Variants in KCNK1 observed in about 807,000 individuals in gnomAD.
KCNK1 encodes the protein potassium channel subfamily K member 1.
In KCNK1, 10 loss-of-function variants were observed where a neutral mutation model predicts 22.2. The observed-to-expected ratio is 0.45, with a 90% CI of 0.28 to 0.76. The LOEUF (loss-of-function observed/expected upper bound fraction) is 0.76. KCNK1 is among the 30% of genes least tolerant of loss of function. The pLI is 0.14. For missense variants in KCNK1, 378 were observed against 421.0 expected, an observed-to-expected ratio of 0.90 and a Z score of 0.89; for synonymous variants, 200 against 186.4, an observed-to-expected ratio of 1.07 and a Z score of -0.60.
intron 1 of KCNK1, among the ~76,000 whole-genome samples, chr1:233,631,814 T>C (rs1200809057): frequency 6.6e-6 from 1 of 152,192 alleles, no homozygotes; most frequent in African/African-American, 2.4e-5. Context: ...ATTCTGGTTT[T>C]TTTTAAGCAA....
At chr1:233,667,456 C>T (rs572253311) in intron 2 of KCNK1, among the ~76,000 whole-genome samples, 1 of 152,094 alleles carries the variant, frequency 6.6e-6, no homozygotes, top group Non-Finnish European at 1.5e-5. Flanking sequence ...ACAGGCCGGG[C>T]GCGGTGGCTC....
intron 1 of KCNK1, among the ~76,000 whole-genome samples, chr1:233,639,561 A>G (rs895506832): frequency 1.3e-5 from 2 of 152,232 alleles, no homozygotes; most frequent in African/African-American, 4.8e-5. Flanking sequence ...TATTTAAACT[A>G]GAAGAATCCT....
At chr1:233,615,370 A>G (rs1657470070) in intron 1 of KCNK1, among the ~76,000 whole-genome samples, 1 of 152,218 alleles carries the variant, frequency 6.6e-6, no homozygotes, top group South Asian at 2.1e-4. Context: ...CTCAGGTGAA[A>G]GATGAGGCCG....
intron 1 of KCNK1, chr1:233,661,936 A>G (rs1658400040): frequency 6.6e-6 from 1 of 152,226 alleles, no homozygotes; most frequent in Non-Finnish European, 1.5e-5. Flanking sequence ...TTCACCATAC[A>G]GTGAGTTTCT....
chr1:233,646,439 T>A (rs559243673), intron 1 of KCNK1, among the ~76,000 whole-genome samples: 1 of 152,136 alleles, frequency 6.6e-6, no homozygotes, highest in Non-Finnish European at 1.5e-5. Flanking sequence ...CAGGGAGAGC[T>A]GCCTAGAGGA....
In KCNK1 at chr1:233,620,924, A is replaced by G. The variant is rs527809489; in HGVS notation, c.355+6398A>G. Among the ~76,000 whole-genome samples, 5 of 152,338 alleles carry G rather than the reference A, an allele frequency of 3.3e-5. No homozygotes were observed. In the East Asian group the frequency reaches 9.6e-4, roughly 29 times the overall value. Reference sequence around the variant, plus strand: ...TGTTTACACATATTCATTTCCATGCATTGCAATAAACTGATGAGATATAGG... The same window carrying G: ...TGTTTACACATATTCATTTCCATGCGTTGCAATAAACTGATGAGATATAGG... On this transcript the variant is annotated intron_variant, in intron 1 of 2. Transcript: ENST00000366621.
intron 1 of KCNK1, among the ~76,000 whole-genome samples, chr1:233,659,118 G>A (rs563136359): frequency 1.3e-5 from 2 of 151,702 alleles, no homozygotes; most frequent in Admixed American, 6.6e-5. Context: ...CTTAAAACAC[G>A]AACATGTTAT....
In KCNK1 at chr1:233,671,764, A is replaced by G. The variant is rs1658603956; in HGVS notation, c.*234A>G. The G allele has an allele frequency of 1.8e-6, 1 of 547,632 alleles. No homozygotes were observed. The highest frequency in any genetic ancestry group is 3.2e-6 in the Non-Finnish European group (1 of 309,774). The allele number at this position is 547,632 out of a possible 1,614,324, so 33.9% of individuals were successfully genotyped here. ...AATGAGATGTCCACCTAAAATTCAT[A>G]TGTGACAAAATTATCTCGACCTTAC... On this transcript the variant is annotated 3_prime_UTR_variant, in exon 3 of 3. Coordinates refer to ENST00000366621, the MANE Select transcript of KCNK1 (RefSeq NM_002245.4).
intron 1 of KCNK1, among the ~76,000 whole-genome samples, chr1:233,663,737 G>C (rs1658440814): frequency 6.6e-6 from 1 of 152,040 alleles, no homozygotes; most frequent in African/African-American, 2.4e-5. Flanking sequence ...GTTTCTGTTT[G>C]ACCTTCTGGT....
At chr1:233,649,654 T>C (rs1393327106) in intron 1 of KCNK1, among the ~76,000 whole-genome samples, 1 of 152,200 alleles carries the variant, frequency 6.6e-6, no homozygotes, top group East Asian at 1.9e-4. Context: ...CATCCTCATG[T>C]GGTGGAAGGG....
At chr1:233,662,620 G>C (rs1369238112) in intron 1 of KCNK1, among the ~76,000 whole-genome samples, 2 of 152,196 alleles carry the variant, frequency 1.3e-5, no homozygotes, top group Non-Finnish European at 2.9e-5. Context: ...GTTGTAATTA[G>C]AGTAGCCAGA....
At chr1:233,638,607 C>T (rs996962831) in intron 1 of KCNK1, among the ~76,000 whole-genome samples, 1 of 152,174 alleles carries the variant, frequency 6.6e-6, no homozygotes, top group Non-Finnish European at 1.5e-5. Flanking sequence ...CACGGTGACG[C>T]CAGCCTCAGG....
intron 1 of KCNK1, among the ~76,000 whole-genome samples, chr1:233,648,459 C>T (rs972531942): frequency 1.3e-5 from 2 of 152,116 alleles, no homozygotes; most frequent in Non-Finnish European, 1.5e-5. Context: ...TTTTTTCTGG[C>T]ATGTCAGTAC....
At chr1:233,663,419 A>G (rs1036974368) in intron 1 of KCNK1, among the ~76,000 whole-genome samples, 1 of 152,210 alleles carries the variant, frequency 6.6e-6, no homozygotes, top group African/African-American at 2.4e-5. Context: ...TTTAGTTAAC[A>G]TTCTAATGAA....
At chr1:233,654,619 T>C (rs1658257346) in intron 1 of KCNK1, among the ~76,000 whole-genome samples, 2 of 152,178 alleles carry the variant, frequency 1.3e-5, no homozygotes, top group Non-Finnish European at 2.9e-5. Flanking sequence ...AGCCATATTA[T>C]GAAGAATGAG....
chr1:233,663,995 C>T (rs1028826165), intron 1 of KCNK1, among the ~76,000 whole-genome samples: 4 of 152,132 alleles, frequency 2.6e-5, no homozygotes, highest in Admixed American at 2.6e-4. Flanking sequence ...CCATGCCCGG[C>T]TAATTTTTGT....
At chr1:233,647,095 A>G (rs193167534) in intron 1 of KCNK1, among the ~76,000 whole-genome samples, 34 of 152,322 alleles carry the variant, frequency 2.2e-4, no homozygotes, top group African/African-American at 7.5e-4. Context: ...GCAGATGTTT[A>G]ATCTTCTGGA....
chr1:233,649,573 G>C (rs1274194486), intron 1 of KCNK1, among the ~76,000 whole-genome samples: 1 of 152,166 alleles, frequency 6.6e-6, no homozygotes, highest in Non-Finnish European at 1.5e-5. Context: ...CTGGAGGCTG[G>C]GAAGTCCAAG....
chr1:233,633,673 T>G (rs924558990), intron 1 of KCNK1, among the ~76,000 whole-genome samples: 1 of 152,202 alleles, frequency 6.6e-6, no homozygotes, highest in Non-Finnish European at 1.5e-5. Context: ...AGCTTTAGTA[T>G]TGCAGTTTCC....
Sources: gnomAD v4.1 joint callset for allele counts (sites outside exome capture counted in the v4.1 genomes callset) on GRCh38, gnomAD v4.1.1 for gene constraint, MANE v1.5 for transcripts, NCBI Gene and HGNC (gene_info 2026-07-23, HGNC 2026-07-21) for gene names.